The following GABRB1 variants were observed in gnomAD, a reference collection of about 807,000 sequenced individuals.
GABRB1 encodes the protein gamma-aminobutyric acid receptor subunit beta-1.
GABRB1 carries 17 observed loss-of-function variants against 51.6 expected under a neutral mutation model. That is an observed-to-expected ratio of 0.33 (90% confidence interval 0.23 to 0.49). The LOEUF is 0.49. GABRB1 is among the 20% of genes least tolerant of loss of function. The probability of loss-of-function intolerance (pLI) is 0.99; values close to 1 mark genes in which losing one functional copy is unlikely to be tolerated. For missense variants in GABRB1, 410 were observed against 600.6 expected (o/e 0.68, Z 3.32); for synonymous variants, 247 against 218.9 (o/e 1.13, Z -1.14).
At chr4:47,032,505 C>T (rs764316209) in intron 3 of GABRB1, 21 bp downstream of exon 3, 1 of 1,611,514 alleles carries the variant, frequency 6.2e-7, no homozygotes. Context: ...TCCCGAGGGG[C>T]CCGGCGGTTC....
intron 3 of GABRB1, among the ~76,000 whole-genome samples, chr4:47,054,890 A>T (rs1726520398): frequency 6.6e-6 from 1 of 152,158 alleles, no homozygotes; most frequent in Non-Finnish European, 1.5e-5. Flanking sequence ...CGGACACTTT[A>T]TGGACAACAT....
chr4:47,061,547 T>C (rs531890087), intron 3 of GABRB1, among the ~76,000 whole-genome samples: 2 of 152,312 alleles, frequency 1.3e-5, no homozygotes, highest in South Asian at 4.2e-4. Context: ...TAACTTTGCT[T>C]TTCTGCTATT....
intron 4 of GABRB1, among the ~76,000 whole-genome samples, chr4:47,191,407 CT>C (rs1296123748): frequency 2.0e-5 from 3 of 152,148 alleles, no homozygotes; most frequent in Non-Finnish European, 4.4e-5. Flanking sequence ...ACTTCACCCC[CT>C]AACTGTTCCA....
intron 5 of GABRB1, among the ~76,000 whole-genome samples, chr4:47,359,002 G>A (rs1207999561): frequency 6.6e-6 from 1 of 152,002 alleles, no homozygotes; most frequent in Non-Finnish European, 1.5e-5. Flanking sequence ...TAGGGATGAT[G>A]ATGCCCAACT....
chr4:47,172,716 G>A (rs979672791), intron 4 of GABRB1, among the ~76,000 whole-genome samples: 1 of 133,578 alleles, frequency 7.5e-6, no homozygotes, highest in African/African-American at 2.9e-5. Flanking sequence ...GTCTCAACTC[G>A]AAGCAACCTC....
chr4:47,129,273 G>C (rs181825761), intron 3 of GABRB1, among the ~76,000 whole-genome samples: 65 of 152,178 alleles, frequency 4.3e-4, no homozygotes, highest in African/African-American at 1.5e-3. Context: ...TTAAAGCACT[G>C]ATCAAAACAG....
chr4:47,007,408 T>C (rs1253726040), intron 1 of GABRB1, among the ~76,000 whole-genome samples: 1 of 152,150 alleles, frequency 6.6e-6, no homozygotes, highest in Non-Finnish European at 1.5e-5. Flanking sequence ...TCTCTAATTA[T>C]AGTGGGATGT....
chr4:47,364,756 A>T lies in GABRB1; in HGVS notation c.545-38562A>T, dbSNP rs966966407. On this transcript the variant is annotated intron_variant, in intron 5 of 8. Transcript: ENST00000295454. Reference sequence around the variant, plus strand: ...GTTAAAGGAATGAAAGATAAAAGCTAAAACAAGAAAATTCAAGTTAAAAGC... The same window carrying T: ...GTTAAAGGAATGAAAGATAAAAGCTTAAACAAGAAAATTCAAGTTAAAAGC... Among the ~76,000 whole-genome samples the T allele has an allele frequency of 5.3e-5, 8 of 152,220 alleles. No homozygotes were observed. The South Asian group carries it at 6.2e-4, about 12-fold the overall frequency.
At chr4:47,118,303 G>A (rs1220841078) in intron 3 of GABRB1, among the ~76,000 whole-genome samples, 1 of 152,082 alleles carries the variant, frequency 6.6e-6, no homozygotes, top group African/African-American at 2.4e-5. Context: ...TAATTTCAGT[G>A]AGTATAACTA....
Position 47,257,693 on chromosome 4 carries a change from A to G in GABRB1, c.462-62434A>G, listed in dbSNP as rs894803716. Among the ~76,000 whole-genome samples, 17 of 151,934 alleles carry G rather than the reference A, an allele frequency of 1.1e-4. 2 individuals carry two copies. Among genetic ancestry groups the G allele is most frequent in the Admixed American group, 7.2e-4 (11 of 15,224 alleles). On this transcript the variant is annotated intron_variant, in intron 4 of 8. Transcript: ENST00000295454. ...TACAAATCAAGGAAAGCTAAGAGTC[A>G]GGAAAAAAAAAAAACTAGTGAAAAA...
chr4:47,406,493 T>C (rs1728572568), intron 7 of GABRB1, among the ~76,000 whole-genome samples, 189 bp from the exon 8 acceptor site: 1 of 152,236 alleles, frequency 6.6e-6, no homozygotes, highest in South Asian at 2.1e-4. Context: ...GATTCATTAA[T>C]GGACTATGTA....
At chr4:47,152,722 C>T (rs1717516366) in intron 3 of GABRB1, among the ~76,000 whole-genome samples, 1 of 151,938 alleles carries the variant, frequency 6.6e-6, no homozygotes, top group African/African-American at 2.4e-5. Context: ...AGCCCCCAAT[C>T]TTCAACTCTT....
intron 3 of GABRB1, among the ~76,000 whole-genome samples, chr4:47,129,933 A>T (rs545788106): frequency 3.3e-5 from 5 of 152,326 alleles, no homozygotes; most frequent in Admixed American, 2.0e-4. Context: ...GAATAAATAG[A>T]TATAATCTGC....
intron 4 of GABRB1, among the ~76,000 whole-genome samples, chr4:47,308,354 G>A (rs2109948325): frequency 6.6e-6 from 1 of 152,098 alleles, no homozygotes. Context: ...ACTAATTTCA[G>A]GATATTTGTT....
intron 3 of GABRB1, among the ~76,000 whole-genome samples, chr4:47,150,379 CAGAG>C (rs71195609): frequency 3.4e-5 from 3 of 87,648 alleles, no homozygotes; most frequent in South Asian, 8.8e-4. Flanking sequence ...TACACACACA[CAGAG>C]AGAGAGAGAG....
intron 3 of GABRB1, among the ~76,000 whole-genome samples, chr4:47,038,393 G>A (rs144545284): frequency 9.2e-5 from 14 of 152,248 alleles, no homozygotes; most frequent in African/African-American, 3.1e-4. Context: ...CTAATGCCTG[G>A]TTTATATTGT....
chr4:47,377,035 T>C (rs1345498372), intron 5 of GABRB1, among the ~76,000 whole-genome samples: 3 of 107,926 alleles, frequency 2.8e-5, no homozygotes, highest in African/African-American at 5.6e-5. Flanking sequence ...CAATGAATTC[T>C]TTCAGGATAA....
At chr4:47,286,623 A>G (rs1253404490) in intron 4 of GABRB1, among the ~76,000 whole-genome samples, 1 of 152,218 alleles carries the variant, frequency 6.6e-6, no homozygotes, top group African/African-American at 2.4e-5. Flanking sequence ...AAAACCTATA[A>G]GAAATATTGA....
In GABRB1 at chr4:47,209,814, G is replaced by A. The variant is rs1043642581; in HGVS notation, c.461+48345G>A. ...GGTACTTTAGTAAAAAAAAAAAAAT[G>A]TACAGTTTGTGACTAGTAAGATATT... is the stretch of plus-strand genomic sequence containing the variant. On this transcript the variant is annotated intron_variant, in intron 4 of 8. Transcript: ENST00000295454. Among the ~76,000 whole-genome samples the A allele has an allele frequency of 2.6e-5, 4 of 151,598 alleles. No individual in the cohort carries two copies. In the South Asian group the frequency reaches 6.3e-4, roughly 24 times the overall value.
Sources: allele counts gnomAD v4.1 joint callset (sites outside exome capture counted in the v4.1 genomes callset), GRCh38; gene constraint gnomAD v4.1.1; transcripts MANE v1.5; gene names NCBI Gene and HGNC (gene_info 2026-07-23, HGNC 2026-07-21).